MEI4: variants seen among roughly 807,000 people sequenced by gnomAD.
The protein encoded by MEI4 is meiosis-specific protein MEI4.
Under a neutral mutation model 31.4 loss-of-function variants are expected in MEI4, and 27 were observed. The ratio of observed to expected loss-of-function variants is 0.86; its 90% CI spans 0.63 to 1.19. The LOEUF (loss-of-function observed/expected upper bound fraction) is 1.19. MEI4 is among the 50% of genes most tolerant of loss of function. MEI4 has a pLI of 0.00. For missense variants in MEI4, 329 were observed against 398.9 expected (o/e 0.82, Z 1.49); for synonymous variants, 122 against 145.4 (o/e 0.84, Z 1.16).
chr6:77,863,667 T>C (rs963083579), intron 4 of MEI4, among the ~76,000 whole-genome samples: 2 of 152,122 alleles, frequency 1.3e-5, no homozygotes, highest in Non-Finnish European at 2.9e-5. Flanking sequence ...CAGGATATAA[T>C]CCAGGAGAAC....
intron 4 of MEI4, among the ~76,000 whole-genome samples, chr6:77,850,393 A>T (rs1472946431): frequency 1.3e-5 from 2 of 152,206 alleles, no homozygotes; most frequent in East Asian, 3.8e-4. Flanking sequence ...TTATACTACA[A>T]GGCCACAGTA....
At chr6:77,790,062 A>T (rs1052266536) in intron 3 of MEI4, among the ~76,000 whole-genome samples, 1 of 152,054 alleles carries the variant, frequency 6.6e-6, no homozygotes, top group African/African-American at 2.4e-5. Flanking sequence ...ACACCATGGA[A>T]TACTATGCAG....
At chr6:77,805,069 A>G (rs572043801) in intron 3 of MEI4, among the ~76,000 whole-genome samples, 1 of 152,322 alleles carries the variant, frequency 6.6e-6, no homozygotes, top group Admixed American at 6.5e-5. Flanking sequence ...AAAATAAAAT[A>G]CAATCAAGTA....
chr6:77,794,732 AC>A (rs1277967982), intron 3 of MEI4, among the ~76,000 whole-genome samples: 3 of 152,206 alleles, frequency 2.0e-5, no homozygotes, highest in African/African-American at 7.2e-5. Flanking sequence ...GACTTGAATA[AC>A]AGTGTAGTTC....
At position 77,804,306 on chromosome 6, in the gene MEI4, C is replaced by T. The variant is rs192528630; in HGVS notation, c.769-24625C>T. ...CCATTTGCTAAGACCGTTGGAAGAG[C>T]GCAGTATTAGGGTGGGAGTGACCCG... On this transcript the variant is annotated intron_variant, in intron 3 of 4. Coordinates refer to ENST00000684080, the MANE Select transcript of MEI4 (RefSeq NM_001322247.2). 4.2e-4 allele frequency among the ~76,000 whole-genome samples: 64 copies of T among 152,272 alleles called. 1 individual carries two copies. The East Asian group carries it at 0.011, about 27-fold the overall frequency.
At chr6:77,827,843 G>T (rs1769992286) in intron 3 of MEI4, among the ~76,000 whole-genome samples, 3 of 152,062 alleles carry the variant, frequency 2.0e-5, no homozygotes, top group South Asian at 2.1e-4. Context: ...CCACATTAAT[G>T]GTTATATTGT....
intron 4 of MEI4, among the ~76,000 whole-genome samples, chr6:77,921,053 C>G (rs1766691122): frequency 6.6e-6 from 1 of 151,850 alleles, no homozygotes; most frequent in Non-Finnish European, 1.5e-5. Context: ...TCAGCCAATC[C>G]TTTGAAGCTC....
At chr6:77,823,086 G>A (rs897835402) in intron 3 of MEI4, among the ~76,000 whole-genome samples, 5 of 151,978 alleles carry the variant, frequency 3.3e-5, no homozygotes, top group African/African-American at 1.2e-4. Flanking sequence ...ATTTTGTTTT[G>A]TCCTATTCTT....
Position 77,690,805 on chromosome 6 carries a change from C to G in MEI4, c.134C>G (p.Ser45Ter). Reference sequence around the variant, plus strand: ...GCTATGTTGCTGTCTGAGGAGCAGTCAAAATGGAGATCAAAAGTTGAAATC... The same window carrying G: ...GCTATGTTGCTGTCTGAGGAGCAGTGAAAATGGAGATCAAAAGTTGAAATC... Reference protein sequence around the residue: ...HLAMLLSEEQSKWRSKVEILE... With the variant: ...HLAMLLSEEQ The change falls in exon 2 of 5, where the codon TCA (serine) becomes TGA (stop). Residue 45 changes from serine (S) to a stop codon, truncating the protein, a stop_gained. Transcript: ENST00000684080. LOFTEE classifies it high-confidence loss of function. 1 of 1,231,536 alleles carries G rather than the reference C, an allele frequency of 8.1e-7. No homozygotes were observed. The highest frequency in any genetic ancestry group is 1.0e-6 in the Non-Finnish European group (1 of 987,446). 76.3% of individuals were successfully genotyped at this position (1,231,536 alleles called of 1,614,324 possible). A position where few individuals can be genotyped will look rare whatever the true frequency, so the allele number is the denominator to read the frequency against.
At chr6:77,692,354 A>C (rs924790351) in intron 2 of MEI4, among the ~76,000 whole-genome samples, 1 of 151,936 alleles carries the variant, frequency 6.6e-6, no homozygotes, top group African/African-American at 2.4e-5. Flanking sequence ...ACTTGAGCTT[A>C]TGTTCACTGA....
chr6:77,713,997 G>T (rs2127660993), intron 2 of MEI4, among the ~76,000 whole-genome samples: 1 of 151,994 alleles, frequency 6.6e-6, no homozygotes, highest in South Asian at 2.1e-4. Flanking sequence ...TTGGTTTTCT[G>T]TTTCTGTGTT....
chr6:77,787,853 A>G (rs1427061227), intron 3 of MEI4, among the ~76,000 whole-genome samples: 2 of 152,190 alleles, frequency 1.3e-5, no homozygotes, highest in African/African-American at 2.4e-5. Context: ...ATAAAGAAAT[A>G]GAAACCACTT....
At chr6:77,806,113 A>G (rs921696612) in intron 3 of MEI4, among the ~76,000 whole-genome samples, 7 of 152,170 alleles carry the variant, frequency 4.6e-5, no homozygotes, top group African/African-American at 1.7e-4. Flanking sequence ...AGAAAAGAGG[A>G]CTAAGGAATA....
chr6:77,751,066 C>G (rs1381859563), intron 2 of MEI4, among the ~76,000 whole-genome samples: 1 of 151,830 alleles, frequency 6.6e-6, no homozygotes. Context: ...TCTTTGAAAC[C>G]AATAAGAACA....
At chr6:77,761,760 C>A in intron 3 of MEI4, 95 bp downstream of exon 3, 2 of 836,212 alleles carry the variant, frequency 2.4e-6, no homozygotes, top group Non-Finnish European at 3.2e-6. Context: ...AGCCTTGTGG[C>A]TCAAGGAATC....
chr6:77,919,935 C>G (rs1281656837), intron 4 of MEI4, among the ~76,000 whole-genome samples: 1 of 148,284 alleles, frequency 6.7e-6, no homozygotes, highest in Non-Finnish European at 1.5e-5. Context: ...TACACTCTCC[C>G]AAGACTGAAC....
chr6:77,735,215 A>G (rs1045733826), intron 2 of MEI4, among the ~76,000 whole-genome samples: 1 of 152,030 alleles, frequency 6.6e-6, no homozygotes, highest in African/African-American at 2.4e-5. Flanking sequence ...CCTGGATAAT[A>G]TCCTGCAGAG....
intron 4 of MEI4, among the ~76,000 whole-genome samples, chr6:77,883,037 A>T (rs1482056241): frequency 6.6e-6 from 1 of 152,146 alleles, no homozygotes; most frequent in African/African-American, 2.4e-5. Context: ...TATAACGCAT[A>T]TGTCCAGGTT....
At chr6:77,887,195 T>G (rs1038104596) in intron 4 of MEI4, among the ~76,000 whole-genome samples, 3 of 151,984 alleles carry the variant, frequency 2.0e-5, no homozygotes, top group Non-Finnish European at 4.4e-5. Context: ...TTTTTTTTCC[T>G]TCTTAATTTT....
Sources: gnomAD v4.1 joint callset for allele counts (sites outside exome capture counted in the v4.1 genomes callset) on GRCh38, gnomAD v4.1.1 for gene constraint, MANE v1.5 for transcripts, NCBI Gene and HGNC (gene_info 2026-07-23, HGNC 2026-07-21) for gene names.